DENND4A: variants seen among roughly 807,000 people sequenced by gnomAD.
DENND4A encodes DENN domain containing 4A.
DENND4A carries 70 observed loss-of-function variants against 199.3 expected under a neutral mutation model. The ratio of observed to expected loss-of-function variants is 0.35; its 90% confidence interval spans 0.29 to 0.43. DENND4A has a LOEUF of 0.43. Among genes scored for constraint, DENND4A ranks in the 20% least tolerant of loss-of-function variants. DENND4A has a pLI of 1.00. For missense variants in DENND4A, 1,723 were observed against 2,255.8 expected, an observed-to-expected ratio of 0.76 and a Z score of 4.78; for synonymous variants, 686 against 766.9, an observed-to-expected ratio of 0.89 and a Z score of 1.74.
chr15:65,698,302 A>T (rs181327701), intron 20 of DENND4A, among the ~76,000 whole-genome samples: 7 of 150,498 alleles, frequency 4.7e-5, no homozygotes, highest in Non-Finnish European at 8.9e-5. Flanking sequence ...ATATAAAAAA[A>T]TTTTCTAATA....
intron 1 of DENND4A, among the ~76,000 whole-genome samples, chr15:65,775,930 G>T (rs538770415): frequency 1.2e-4 from 19 of 152,216 alleles, no homozygotes; most frequent in African/African-American, 3.9e-4. Context: ...TGCCACCTTT[G>T]CAAATTCAGT....
chr15:65,758,738 A>G (rs1409805039), intron 2 of DENND4A, among the ~76,000 whole-genome samples: 2 of 152,250 alleles, frequency 1.3e-5, no homozygotes, highest in Non-Finnish European at 2.9e-5. Context: ...CACAGTTCCA[A>G]TAAGTGCAAA....
intron 27 of DENND4A, among the ~76,000 whole-genome samples, 177 bp from the exon 28 acceptor site, chr15:65,668,300 C>G (rs2076109582): frequency 6.6e-6 from 1 of 151,668 alleles, no homozygotes; most frequent in Non-Finnish European, 1.5e-5. Flanking sequence ...CTTCTGTCAC[C>G]TAGGCTCAAG....
Position 65,701,856 on chromosome 15 carries a change from T to C in DENND4A, c.2465A>G (p.Gln822Arg), listed in dbSNP as rs1425658732. The part of the protein sequence containing the change: ...CYRILMQLCG[Q>R]YDQPVLAVRV... Reference sequence around the variant, plus strand: ...AACTGCAAGCACTGGCTGATCATATTGTCCACAGAGTTGCATAAGAATGCG... The same window carrying C: ...AACTGCAAGCACTGGCTGATCATATCGTCCACAGAGTTGCATAAGAATGCG... The change falls in exon 18 of 33, where the codon CAA (glutamine) becomes CGA (arginine). Residue 822 changes from glutamine (Q) to arginine (R), a missense_variant. Coordinates refer to ENST00000443035, the MANE Select transcript of DENND4A (RefSeq NM_001320835.1). 1 of 1,613,814 alleles carries C rather than the reference T, an allele frequency of 6.2e-7. No homozygotes were observed. Among genetic ancestry groups the C allele is most frequent in the Admixed American group, 1.7e-5 (1 of 60,014 alleles).
At chr15:65,762,220 T>G (rs1365193054) in intron 1 of DENND4A, among the ~76,000 whole-genome samples, 3 of 152,198 alleles carry the variant, frequency 2.0e-5, no homozygotes, top group Non-Finnish European at 1.5e-5. Context: ...TTGGTCAGCC[T>G]GGTCTCGAAC....
intron 22 of DENND4A, among the ~76,000 whole-genome samples, chr15:65,691,800 T>C (rs1424171507): frequency 6.6e-6 from 1 of 152,086 alleles, no homozygotes; most frequent in Non-Finnish European, 1.5e-5. Flanking sequence ...TGTCCAATTA[T>C]AAAGGGTATG....
At chr15:65,671,181 C>T (rs2076204329) in intron 25 of DENND4A, among the ~76,000 whole-genome samples, 1 of 152,100 alleles carries the variant, frequency 6.6e-6, no homozygotes, top group Non-Finnish European at 1.5e-5. Flanking sequence ...TCAAAGAGAA[C>T]ATTCATGAAA....
chr15:65,721,486 G>A (rs1423855294), intron 12 of DENND4A, among the ~76,000 whole-genome samples: 3 of 149,636 alleles, frequency 2.0e-5, no homozygotes, highest in African/African-American at 7.4e-5. Flanking sequence ...ATACCAAGAA[G>A]ATCAGATAAA....
intron 23 of DENND4A, among the ~76,000 whole-genome samples, chr15:65,682,125 A>G (rs1339918449): frequency 6.6e-6 from 1 of 152,186 alleles, no homozygotes; most frequent in East Asian, 1.9e-4. Flanking sequence ...CACCAGCTAC[A>G]CTACCCCCTA....
At chr15:65,739,962 C>T (rs939675578) in intron 5 of DENND4A, among the ~76,000 whole-genome samples, 3 of 152,070 alleles carry the variant, frequency 2.0e-5, no homozygotes, top group African/African-American at 7.2e-5. Context: ...GGACAGATTG[C>T]CTGAACTCAG....
Position 65,706,134 on chromosome 15 carries a change from T to C in DENND4A, c.2044A>G (p.Ile682Val). The change falls in exon 15 of 33, where the codon ATC becomes GTC. Residue 682 changes from isoleucine to valine, a missense_variant. By Grantham distance (29) the Ile-to-Val change is conservative. This residue lies in a region of DENND4A where 725 missense variants were observed against 952.9 expected (regional missense o/e 0.76). Transcript: ENST00000443035. ...EHTVFVTPPE[I>V]PHLPNGEEPP... ...TCTTCACCATTGGGTAGGTGGGGGA[T>C]CTCAGGTGGTGTTACAAAAACAGTG... is the stretch of plus-strand genomic sequence containing the variant. 6.2e-7 allele frequency: 1 copy of C among 1,607,892 alleles called. No homozygotes were observed. The highest frequency in any genetic ancestry group is 8.5e-7 in the Non-Finnish European group (1 of 1,177,192).
chr15:65,746,783 G>A (rs766262522), intron 4 of DENND4A, among the ~76,000 whole-genome samples: 29 of 151,638 alleles, frequency 1.9e-4, no homozygotes, highest in Admixed American at 8.5e-4. Flanking sequence ...ATACCCTTAA[G>A]GAGACTCAGC....
At chr15:65,749,463 T>A (rs1022643470) in intron 4 of DENND4A, among the ~76,000 whole-genome samples, 2 of 152,206 alleles carry the variant, frequency 1.3e-5, no homozygotes, top group African/African-American at 4.8e-5. Flanking sequence ...ACTTGTTTTA[T>A]AGAAGATTTA....
intron 4 of DENND4A, among the ~76,000 whole-genome samples, chr15:65,751,984 G>A (rs1375451687): frequency 6.6e-6 from 1 of 151,662 alleles, no homozygotes; most frequent in Non-Finnish European, 1.5e-5. Context: ...AAATAGGGAG[G>A]GAAAAACCAA....
intron 23 of DENND4A, among the ~76,000 whole-genome samples, chr15:65,687,160 T>C (rs2142036505): frequency 6.6e-6 from 1 of 152,318 alleles, no homozygotes; most frequent in East Asian, 1.9e-4. Flanking sequence ...TTTGGCTACA[T>C]CTCACTGTAT....
intron 14 of DENND4A, among the ~76,000 whole-genome samples, chr15:65,710,547 G>C (rs940295902): frequency 1.3e-5 from 2 of 152,066 alleles, no homozygotes; most frequent in African/African-American, 2.4e-5. Context: ...ATCATTCAAA[G>C]TTGGTAATGC....
At chr15:65,778,902 A>AAG in intron 1 of DENND4A, among the ~76,000 whole-genome samples, 1 of 151,708 alleles carries the variant, frequency 6.6e-6, no homozygotes, top group East Asian at 1.9e-4. Context: ...TCAAAAAAAA[A>AAG]AAAAAAAAGG....
chr15:65,771,651 C>T, intron 1 of DENND4A: 2 of 1,612,038 alleles, frequency 1.2e-6, no homozygotes. Flanking sequence ...CCAGCTCTTC[C>T]ATTTGAAAAA....
intron 1 of DENND4A, among the ~76,000 whole-genome samples, chr15:65,777,276 T>C (rs998077047): frequency 4.6e-5 from 7 of 152,188 alleles, no homozygotes; most frequent in African/African-American, 1.4e-4. Flanking sequence ...TCGGGTACTG[T>C]GAAAACTCCA....
Sources: allele counts gnomAD v4.1 joint callset (sites outside exome capture counted in the v4.1 genomes callset), GRCh38; gene constraint gnomAD v4.1.1; regional missense constraint gnomAD v4.1.1; transcripts MANE v1.5; gene names NCBI Gene and HGNC (gene_info 2026-07-23, HGNC 2026-07-21).